SLC2A7: variants seen among roughly 807,000 people sequenced by gnomAD.
SLC2A7 encodes solute carrier family 2 member 7.
A neutral mutation model predicts 50.5 loss-of-function variants in SLC2A7; 50 were observed. The observed-to-expected ratio is 0.99, with a 90% CI of 0.79 to 1.25. The LOEUF is 1.25. Among genes scored for constraint, SLC2A7 ranks in the 50% most tolerant of loss-of-function variants. The pLI is 0.00. For missense variants in SLC2A7, 683 were observed against 679.1 expected, an observed-to-expected ratio of 1.01 and a Z score of -0.06; for synonymous variants, 308 against 300.4, an observed-to-expected ratio of 1.03 and a Z score of -0.26.
intron 1 of SLC2A7, 118 bp downstream of exon 1, chr1:9,026,177 A>G: frequency 8.7e-7 from 1 of 1,144,916 alleles, no homozygotes; most frequent in Non-Finnish European, 1.3e-6. Context: ...ATCCTGAAGA[A>G]AAAGGAAGCA....
intron 8 of SLC2A7, 61 bp from the exon 9 acceptor site, chr1:9,010,305 G>A (rs778362353): frequency 3.1e-5 from 42 of 1,360,742 alleles, no homozygotes; most frequent in Admixed American, 2.0e-4. Flanking sequence ...TTCTTGGGCC[G>A]AGCCTCCACT....
chr1:8,996,136 T>C, the SLC2A7 span, among the ~76,000 whole-genome samples: 1 of 152,358 alleles, frequency 6.6e-6, no homozygotes, highest in South Asian at 2.1e-4. Flanking sequence ...TATATACACG[T>C]TCGTGAAATT....
Position 9,013,636 on chromosome 1 carries a change from C to T in SLC2A7, c.904-1G>A. The T allele has an allele frequency of 6.2e-7, 1 of 1,612,716 alleles. No homozygotes were observed. The highest frequency in any genetic ancestry group is 8.5e-7 in the Non-Finnish European group (1 of 1,179,296). ...AGATGGTGTCCGCATAGTAGTTGAT[C>T]TAAACAAAAACACAGGGCTGTCAGG... is the stretch of plus-strand genomic sequence containing the variant. On this transcript the variant is annotated splice_acceptor_variant, in intron 7 of 11. Transcript: ENST00000400906. LOFTEE classifies it high-confidence loss of function.
At position 9,018,274 on chromosome 1, in the gene SLC2A7, C is replaced by T. The variant is rs951824910; in HGVS notation, c.538G>A (p.Val180Ile). The change falls in exon 5 of 12, where the codon GTC becomes ATC. Residue 180 changes from valine to isoleucine, a missense_variant. Val to Ile is a conservative substitution (Grantham distance 29, BLOSUM62 3). Transcript: ENST00000400906. ...TMTEVFVIVG[V>I]FLAQIFSLQA... Reference sequence around the variant, plus strand: ...AGGCTGAAGATCTGTGCTAGGAAGACTCCAACGATGACGAAAACCTCGGTC... The same window carrying T: ...AGGCTGAAGATCTGTGCTAGGAAGATTCCAACGATGACGAAAACCTCGGTC... 11 of 1,614,070 alleles carry T rather than the reference C, an allele frequency of 6.8e-6. No homozygotes were observed. Among genetic ancestry groups the T allele is most frequent in the African/African-American group, 1.3e-5 (1 of 74,932 alleles).
chr1:9,004,732 G>T lies in SLC2A7; in HGVS notation c.1320+20C>A. 6.2e-7 allele frequency: 1 copy of T among 1,613,524 alleles called. No homozygotes were observed. Among genetic ancestry groups the T allele is most frequent in the South Asian group, 1.1e-5 (1 of 91,060 alleles). On this transcript the variant is annotated intron_variant, in intron 11 of 11. Transcript: ENST00000400906. ...CCTGGAGGCCCGGTGGAGCGGGTTG[G>T]GGAAGGGGCCCTCACTCACCTGGAT...
Position 9,010,104 on chromosome 1 carries a change from C to A in SLC2A7, c.1116+39G>T, listed in dbSNP as rs760424362. 3 of 1,541,304 alleles carry A rather than the reference C, an allele frequency of 1.9e-6. No individual in the cohort carries two copies. In the South Asian group the frequency reaches 3.6e-5, roughly 18 times the overall value. On this transcript the variant is annotated intron_variant, in intron 9 of 11. Transcript: ENST00000400906. Reference sequence around the variant, plus strand: ...CAGTCAGGGGACCTCCCACCCTCCCCATGACTCCCCACCCAGGGGGCAGGA... The same window carrying A: ...CAGTCAGGGGACCTCCCACCCTCCCAATGACTCCCCACCCAGGGGGCAGGA...
rs1049713252 is a variant in SLC2A7 at position 9,008,211 on chromosome 1, AG to A, written c.1117-827del. On this transcript the variant is annotated intron_variant, in intron 9 of 11. Coordinates refer to ENST00000400906, the MANE Select transcript of SLC2A7 (RefSeq NM_207420.3). The surrounding 1 kb of genome is among the most constrained non-coding windows in gnomAD (Gnocchi z 5.9). ...ACTTCCCAGGGAACCCTGTAGTCACAGTTATGAGACGGCCTCAAGGGACAAG... is the reference window on the plus strand; with the variant it reads ...ACTTCCCAGGGAACCCTGTAGTCACATTATGAGACGGCCTCAAGGGACAAG... 7.2e-5 allele frequency among the ~76,000 whole-genome samples: 11 copies of A among 152,154 alleles called. No individual in the cohort carries two copies. The highest frequency in any genetic ancestry group is 2.7e-4 in the African/African-American group (11 of 41,440).
chr1:9,009,598 A>G (rs1640713148), intron 9 of SLC2A7, among the ~76,000 whole-genome samples: 1 of 152,190 alleles, frequency 6.6e-6, no homozygotes, highest in African/African-American at 2.4e-5. Context: ...CTGGGACTAC[A>G]GGTGCACACC....
downstream of SLC2A7, among the ~76,000 whole-genome samples, chr1:9,002,423 C>A (rs1269770863): frequency 6.6e-6 from 1 of 152,138 alleles, no homozygotes; most frequent in Non-Finnish European, 1.5e-5. Flanking sequence ...GACATGCTGG[C>A]GGCAATACTG....
chr1:9,000,371 C>T (rs1331806285), downstream of SLC2A7, among the ~76,000 whole-genome samples: 1 of 151,208 alleles, frequency 6.6e-6, no homozygotes, highest in East Asian at 1.9e-4. Flanking sequence ...GTAATCCCAG[C>T]ACTTTGGGAG....
intron 3 of SLC2A7, among the ~76,000 whole-genome samples, chr1:9,022,555 T>G (rs1302401376): frequency 6.6e-6 from 1 of 152,106 alleles, no homozygotes; most frequent in Non-Finnish European, 1.5e-5. Flanking sequence ...CGCTTAGAAC[T>G]TGGAGCCATG....
the SLC2A7 span, among the ~76,000 whole-genome samples, chr1:8,995,434 C>A: frequency 4.9e-5 from 7 of 143,386 alleles, no homozygotes; most frequent in Admixed American, 4.9e-4. Context: ...GGCGACAGAG[C>A]GAGACTCTGC....
At chr1:9,015,286 C>G (rs1292595494) in intron 5 of SLC2A7, 44 bp from the exon 6 acceptor site, 1 of 1,525,340 alleles carries the variant, frequency 6.6e-7, no homozygotes, top group Admixed American at 2.0e-5. Flanking sequence ...CTGGGCACCC[C>G]CTGGCCCACC....
chr1:9,025,962 G>A (rs926615528), intron 1 of SLC2A7, among the ~76,000 whole-genome samples: 1 of 152,200 alleles, frequency 6.6e-6, no homozygotes, highest in African/African-American at 2.4e-5. Flanking sequence ...CAACCAGACA[G>A]AAGGGCAGGA....
Position 9,018,363 on chromosome 1 carries a change from C to T in SLC2A7, c.449G>A (p.Ser150Asn), listed in dbSNP as rs767472080. ...TTCTCCCAGGTACATGGGAAGGGCGCTGTAGGAGATGCCTGGTTTGGGCAC... is the reference window on the plus strand; with the variant it reads ...TTCTCCCAGGTACATGGGAAGGGCGTTGTAGGAGATGCCTGGTTTGGGCAC... ...VLGVCAGISY[S>N]ALPMYLGELA... is the part of the protein sequence containing the mutation. Residue 150 changes from serine to asparagine, a missense_variant, in exon 5 of 12, where the codon AGC (serine) becomes AAC (asparagine). Transcript: ENST00000400906. The T allele has an allele frequency of 2.5e-6, 4 of 1,613,048 alleles. No homozygotes were observed. The highest frequency in any genetic ancestry group is 1.7e-5 in the Admixed American group (1 of 58,886).
chr1:9,014,889 C>T (rs768708903), intron 6 of SLC2A7, 21 bp from the exon 7 acceptor site: 31 of 1,568,988 alleles, frequency 2.0e-5, no homozygotes, highest in African/African-American at 5.4e-5. Context: ...CAGAACCACC[C>T]GCTCAGAGGG....
chr1:9,018,414 C>A (rs1362971842), intron 4 of SLC2A7, 39 bp from the exon 5 acceptor site: 2 of 1,611,138 alleles, frequency 1.2e-6, no homozygotes, highest in Non-Finnish European at 1.7e-6. Context: ...AGGCAAACCG[C>A]AAACGCAGAA....
chr1:9,007,244 T>G (rs1640666030), intron 10 of SLC2A7, 66 bp downstream of exon 10: 1 of 1,566,014 alleles, frequency 6.4e-7, no homozygotes, highest in Non-Finnish European at 8.8e-7. Context: ...TGTCGAGCAC[T>G]GACTGTGTGT....
intron 6 of SLC2A7, 96 bp downstream of exon 6, chr1:9,015,021 C>A: frequency 6.4e-7 from 1 of 1,559,506 alleles, no homozygotes; most frequent in African/African-American, 1.3e-5. Flanking sequence ...CAGCTCTCAC[C>A]CCTGACCCAT....
Sources: gnomAD v4.1 joint callset for allele counts (sites outside exome capture counted in the v4.1 genomes callset) on GRCh38, gnomAD v4.1.1 for gene constraint, Gnocchi (gnomAD v3.1) non-coding constraint, MANE v1.5 for transcripts, NCBI Gene and HGNC (gene_info 2026-07-23, HGNC 2026-07-21) for gene names.